The following MACROD2 variants were observed in gnomAD, a reference collection of about 807,000 sequenced individuals.
The protein encoded by MACROD2 is ADP-ribose glycohydrolase MACROD2.
A neutral mutation model predicts 70.4 loss-of-function variants in MACROD2; 36 were observed. The observed-to-expected ratio is 0.51, with a 90% confidence interval of 0.39 to 0.68. The LOEUF (loss-of-function observed/expected upper bound fraction) is 0.68. Ranked by LOEUF, MACROD2 falls within the 30% of genes least tolerant of loss-of-function variation. The pLI is 0.00. For missense variants in MACROD2, 496 were observed against 538.4 expected, an observed-to-expected ratio of 0.92 and a Z score of 0.78; for synonymous variants, 172 against 178.8, an observed-to-expected ratio of 0.96 and a Z score of 0.30.
chr20:14,468,923 A>C (rs2084493248), intron 3 of MACROD2, among the ~76,000 whole-genome samples: 1 of 152,130 alleles, frequency 6.6e-6, no homozygotes, highest in Admixed American at 6.5e-5. Context: ...TGGAGGATTT[A>C]GCCCATTTAC....
intron 3 of MACROD2, among the ~76,000 whole-genome samples, chr20:14,426,417 T>A (rs912361467): frequency 1.3e-5 from 2 of 152,110 alleles, no homozygotes; most frequent in South Asian, 2.1e-4. Flanking sequence ...TAGATTTTTT[T>A]AAAGTTTTCT....
At chr20:15,673,035 G>C (rs879496498) in intron 8 of MACROD2, among the ~76,000 whole-genome samples, 11 of 152,106 alleles carry the variant, frequency 7.2e-5, no homozygotes. Flanking sequence ...CCCCAGCCAC[G>C]TGGAACCATG....
intron 4 of MACROD2, among the ~76,000 whole-genome samples, chr20:14,522,803 A>T (rs1038359257): frequency 6.6e-6 from 1 of 152,220 alleles, no homozygotes; most frequent in Non-Finnish European, 1.5e-5. Context: ...AACATGAAGC[A>T]TTAGAATGTA....
chr20:15,049,535 A>G (rs1299770934), intron 5 of MACROD2, among the ~76,000 whole-genome samples: 1 of 152,212 alleles, frequency 6.6e-6, no homozygotes, highest in Non-Finnish European at 1.5e-5. Flanking sequence ...CTTTATTTTT[A>G]ATGCATAAGC....
chr20:14,765,190 G>A (rs1233343758), intron 5 of MACROD2, among the ~76,000 whole-genome samples: 2 of 152,032 alleles, frequency 1.3e-5, no homozygotes, highest in Non-Finnish European at 2.9e-5. Context: ...TAGTAGCTTA[G>A]GCTCTAACCA....
At chr20:14,775,720 T>A (rs2072225579) in intron 5 of MACROD2, among the ~76,000 whole-genome samples, 1 of 152,058 alleles carries the variant, frequency 6.6e-6, no homozygotes, top group African/African-American at 2.4e-5. Context: ...TGCCTGTCTC[T>A]AGAGACCATT....
chr20:15,295,199 C>T (rs2077575034), intron 6 of MACROD2, among the ~76,000 whole-genome samples: 1 of 152,228 alleles, frequency 6.6e-6, no homozygotes, highest in African/African-American at 2.4e-5. Flanking sequence ...GCTCTTCCTT[C>T]ACCTTCTGCT....
intron 2 of MACROD2, among the ~76,000 whole-genome samples, chr20:14,065,480 T>A (rs2053744636): frequency 6.6e-6 from 1 of 152,166 alleles, no homozygotes; most frequent in Non-Finnish European, 1.5e-5. Flanking sequence ...TTTTACAAAG[T>A]ATGTATAGGG....
chr20:15,371,861 A>G (rs1241134707), intron 6 of MACROD2, among the ~76,000 whole-genome samples: 2 of 152,184 alleles, frequency 1.3e-5, no homozygotes, highest in African/African-American at 4.8e-5. Context: ...CTTCTCAAAC[A>G]CAACTACTCT....
intron 4 of MACROD2, among the ~76,000 whole-genome samples, chr20:14,548,811 T>G (rs1978450991): frequency 6.6e-6 from 1 of 151,872 alleles, no homozygotes; most frequent in Non-Finnish European, 1.5e-5. Flanking sequence ...CTGGAAGTAT[T>G]AAATGAACAG....
At chr20:14,604,122 G>A (rs745555960) in intron 4 of MACROD2, among the ~76,000 whole-genome samples, 3 of 152,160 alleles carry the variant, frequency 2.0e-5, no homozygotes, top group East Asian at 1.9e-4. Context: ...TTATTTTGTC[G>A]AATTAACTAC....
chr20:15,830,252 G>A (rs553858485), intron 8 of MACROD2, among the ~76,000 whole-genome samples: 3 of 152,302 alleles, frequency 2.0e-5, no homozygotes, highest in East Asian at 1.9e-4. Context: ...TGGAAATAGA[G>A]CAAGAAGAGG....
chr20:15,781,377 G>GCCC (rs1335107176), intron 8 of MACROD2, among the ~76,000 whole-genome samples: 4 of 152,144 alleles, frequency 2.6e-5, no homozygotes, highest in Non-Finnish European at 5.9e-5. Flanking sequence ...AACTGATCTG[G>GCCC]CCCTGGGCAA....
chr20:15,962,104 C>T (rs2066070785), intron 12 of MACROD2, among the ~76,000 whole-genome samples: 1 of 152,188 alleles, frequency 6.6e-6, no homozygotes. Context: ...TTTGTTGAGT[C>T]GCTGACTTAA....
intron 5 of MACROD2, among the ~76,000 whole-genome samples, chr20:14,733,544 A>G (rs2123706574): frequency 1.3e-5 from 2 of 152,316 alleles, no homozygotes; most frequent in East Asian, 1.9e-4. Flanking sequence ...ATGTATCAGT[A>G]CATGGAGAAG....
intron 3 of MACROD2, among the ~76,000 whole-genome samples, chr20:14,241,176 A>G (rs1478363725): frequency 6.6e-6 from 1 of 152,236 alleles, no homozygotes; most frequent in Non-Finnish European, 1.5e-5. Context: ...TTGCTAACGC[A>G]TATTTTTCTT....
intron 5 of MACROD2, among the ~76,000 whole-genome samples, chr20:14,756,620 A>G (rs1457833343): frequency 1.3e-5 from 2 of 152,070 alleles, no homozygotes; most frequent in East Asian, 1.9e-4. Flanking sequence ...GTTTTCCTCA[A>G]TCTTGATCTA....
chr20:14,988,965 A>T (rs2074875409), intron 5 of MACROD2, among the ~76,000 whole-genome samples: 1 of 152,162 alleles, frequency 6.6e-6, no homozygotes, highest in South Asian at 2.1e-4. Flanking sequence ...AAAGACTTAG[A>T]TTAAAAGAAG....
chr20:15,595,204 A>G (rs2048730606), intron 8 of MACROD2, among the ~76,000 whole-genome samples: 1 of 152,236 alleles, frequency 6.6e-6, no homozygotes, highest in Non-Finnish European at 1.5e-5. Context: ...CCACTGCACA[A>G]CAGTGTGACT....
Sources: allele counts gnomAD v4.1 joint callset (sites outside exome capture counted in the v4.1 genomes callset), GRCh38; gene constraint gnomAD v4.1.1; transcripts MANE v1.5; gene names NCBI Gene and HGNC (gene_info 2026-07-23, HGNC 2026-07-21).